Variants in IFT88 observed in about 807,000 individuals in gnomAD.
IFT88 encodes the protein intraflagellar transport 88, also known as intraflagellar transport protein 88 homolog.
Under a neutral mutation model 119.5 loss-of-function variants are expected in IFT88, and 74 were observed. The ratio of observed to expected loss-of-function variants is 0.62; its 90% confidence interval spans 0.51 to 0.75. IFT88 has a LOEUF of 0.75. Among genes scored for constraint, IFT88 ranks in the 30% least tolerant of loss-of-function variants. The pLI is 0.00. For missense variants in IFT88, 961 were observed against 977.7 expected (o/e 0.98, Z 0.23); for synonymous variants, 279 against 316.7 (o/e 0.88, Z 1.26).
chr13:20,594,381 C>T (rs2041268674), intron 7 of IFT88, among the ~76,000 whole-genome samples: 1 of 152,176 alleles, frequency 6.6e-6, no homozygotes, highest in East Asian at 1.9e-4. Flanking sequence ...GCCTTCATTT[C>T]TCAGTGTGGA....
At chr13:20,642,154 G>T (rs902645542) in intron 18 of IFT88, 3 of 152,082 alleles carry the variant, frequency 2.0e-5, no homozygotes, top group African/African-American at 7.2e-5. Flanking sequence ...CACAACATTG[G>T]GAAGAGTTAA....
intron 18 of IFT88, 144 bp from the exon 19 acceptor site, chr13:20,643,310 CT>C: frequency 1.6e-6 from 1 of 615,456 alleles, no homozygotes; most frequent in South Asian, 2.3e-5. Flanking sequence ...TGCATTCCAT[CT>C]CCACCCCTGA....
At chr13:20,630,597 C>A (rs916661415) in intron 15 of IFT88, among the ~76,000 whole-genome samples, 20 of 152,110 alleles carry the variant, frequency 1.3e-4, no homozygotes, top group African/African-American at 4.8e-4. Context: ...GAGAGTCTCA[C>A]GCCTATGCCC....
Position 20,658,455 on chromosome 13 carries a change from G to A in IFT88, c.2068+2025G>A, listed in dbSNP as rs149271036. The stretch of plus-strand genomic sequence containing the variant: ...ATTTAGATTTACAGTGGATGCAGGC[G>A]TCTGTTTTTTCCTATTTCTGTTTAA... On this transcript the variant is annotated intron_variant, in intron 22 of 25. Coordinates refer to ENST00000351808, the MANE Select transcript of IFT88 (RefSeq NM_006531.5). Among the ~76,000 whole-genome samples, 528 of 152,248 alleles carry A rather than the reference G, an allele frequency of 3.5e-3. 4 individuals carry two copies. Among genetic ancestry groups the A allele is most frequent in the African/African-American group, 0.012 (501 of 41,560 alleles).
intron 15 of IFT88, among the ~76,000 whole-genome samples, chr13:20,626,249 A>T (rs2047314326): frequency 6.6e-6 from 1 of 151,756 alleles, no homozygotes; most frequent in East Asian, 1.9e-4. Context: ...TTTAATACAG[A>T]TGGGGTTTCA....
At chr13:20,636,478 A>T (rs534904056) in intron 16 of IFT88, among the ~76,000 whole-genome samples, 10 of 152,348 alleles carry the variant, frequency 6.6e-5, no homozygotes, top group Non-Finnish European at 8.8e-5. Flanking sequence ...AATCATACCC[A>T]GTTAAAATAA....
At chr13:20,632,992 C>T (rs1160368993) in intron 16 of IFT88, among the ~76,000 whole-genome samples, 3 of 152,148 alleles carry the variant, frequency 2.0e-5, no homozygotes, top group Non-Finnish European at 2.9e-5. Flanking sequence ...GATCCAAACC[C>T]CTGGTTGAAG....
At position 20,632,149 on chromosome 13, in the gene IFT88, A is replaced by G. The variant is rs551148851; in HGVS notation, c.1386+1047A>G. The G allele has an allele frequency of 7.9e-4, 120 of 152,154 alleles. 1 individual carries two copies. The highest frequency in any genetic ancestry group is 2.8e-3 in the African/African-American group (116 of 41,508). 9.4% of individuals were successfully genotyped at this position (152,154 alleles called of 1,614,324 possible). On this transcript the variant is annotated intron_variant, in intron 16 of 25. Coordinates refer to ENST00000351808, the MANE Select transcript of IFT88 (RefSeq NM_006531.5). Reference sequence around the variant, plus strand: ...CAGATACCTTGTCTCCAAAAAAAAAAAAAAAAAAATTGTAGATTTTCATTT... The same window carrying G: ...CAGATACCTTGTCTCCAAAAAAAAAGAAAAAAAAATTGTAGATTTTCATTT...
intron 24 of IFT88, among the ~76,000 whole-genome samples, chr13:20,680,622 A>AG (rs1017709434): frequency 1.3e-5 from 2 of 152,140 alleles, no homozygotes; most frequent in African/African-American, 4.8e-5. Context: ...ATCTGGCCCC[A>AG]GGGGGGTGGC....
At chr13:20,675,372 C>T (rs572980478) in intron 24 of IFT88, among the ~76,000 whole-genome samples, 17 of 152,224 alleles carry the variant, frequency 1.1e-4, no homozygotes, top group African/African-American at 3.6e-4. Flanking sequence ...GCAGGATACC[C>T]GAGTATCCAG....
chr13:20,652,046 A>G (rs1286537342), intron 20 of IFT88, among the ~76,000 whole-genome samples: 1 of 152,166 alleles, frequency 6.6e-6, no homozygotes. Context: ...AGTAGATCAG[A>G]AGTTATTGGG....
Position 20,591,201 on chromosome 13 carries a change from T to A in IFT88, c.264+181T>A, listed in dbSNP as rs532172612. On this transcript the variant is annotated intron_variant, in intron 5 of 25. Coordinates refer to ENST00000351808, the MANE Select transcript of IFT88 (RefSeq NM_006531.5). Reference sequence around the variant, plus strand: ...CTGTTGTAAATCTTTGAAGGCGAAGTCTCTTTAGATTTATTTACTCAGGTA... The same window carrying A: ...CTGTTGTAAATCTTTGAAGGCGAAGACTCTTTAGATTTATTTACTCAGGTA... Among the ~76,000 whole-genome samples the A allele has an allele frequency of 2.0e-5, 3 of 152,306 alleles. No individual in the cohort carries two copies. In the South Asian group the frequency reaches 6.2e-4, roughly 32 times the overall value.
intron 15 of IFT88, among the ~76,000 whole-genome samples, chr13:20,627,271 T>C (rs929231093): frequency 7.2e-5 from 11 of 152,206 alleles, no homozygotes; most frequent in African/African-American, 1.2e-4. Context: ...GTAATGCTTT[T>C]TACATGGAAG....
chr13:20,616,853 G>A (rs1451800440), intron 14 of IFT88, among the ~76,000 whole-genome samples: 1 of 152,126 alleles, frequency 6.6e-6, no homozygotes, highest in African/African-American at 2.4e-5. Context: ...GATGTCACTT[G>A]GCAATAGGAA....
At chr13:20,684,749 G>T (rs2057704999) in intron 24 of IFT88, among the ~76,000 whole-genome samples, 1 of 152,194 alleles carries the variant, frequency 6.6e-6, no homozygotes, top group Non-Finnish European at 1.5e-5. Flanking sequence ...CTCGACCCTT[G>T]TCCCATTGTT....
intron 24 of IFT88, among the ~76,000 whole-genome samples, chr13:20,677,042 C>G (rs999971889): frequency 1.3e-5 from 2 of 152,106 alleles, no homozygotes; most frequent in African/African-American, 4.8e-5. Flanking sequence ...ATAATAAGTA[C>G]TCAGTAAATA....
At chr13:20,653,737 A>T in intron 20 of IFT88, 139 bp from the exon 21 acceptor site, 1 of 460,926 alleles carries the variant, frequency 2.2e-6, no homozygotes, top group Non-Finnish European at 3.8e-6. Context: ...GGGAAATTAT[A>T]TATCTGCTGT....
chr13:20,570,908 T>C (rs1458936474), intron 1 of IFT88, among the ~76,000 whole-genome samples: 1 of 152,078 alleles, frequency 6.6e-6, no homozygotes, highest in Non-Finnish European at 1.5e-5. Flanking sequence ...TAAATAATTT[T>C]TAAAGGTTAT....
At chr13:20,664,411 C>T (rs1459196900) in intron 23 of IFT88, among the ~76,000 whole-genome samples, 1 of 152,110 alleles carries the variant, frequency 6.6e-6, no homozygotes, top group African/African-American at 2.4e-5. Flanking sequence ...GTACATTGTA[C>T]ATTCATTAGT....
Sources: gnomAD v4.1 joint callset for allele counts (sites outside exome capture counted in the v4.1 genomes callset) on GRCh38, gnomAD v4.1.1 for gene constraint, MANE v1.5 for transcripts, NCBI Gene and HGNC (gene_info 2026-07-23, HGNC 2026-07-21) for gene names.